Variants in TNR observed in about 807,000 individuals in gnomAD.
The protein encoded by TNR is tenascin R.
In TNR, 45 loss-of-function variants were observed where a neutral mutation model predicts 150.4. The ratio of observed to expected loss-of-function variants is 0.30; its 90% CI spans 0.24 to 0.38. The LOEUF (loss-of-function observed/expected upper bound fraction) is 0.38. Among genes scored for constraint, TNR ranks in the 10% least tolerant of loss-of-function variants. TNR has a pLI of 1.00. For missense variants in TNR, 1,544 were observed against 1,759.1 expected (o/e 0.88, Z 2.19); for synonymous variants, 687 against 678.4 (o/e 1.01, Z -0.20).
At chr1:175,362,132 C>T (rs185937636) in intron 14 of TNR, among the ~76,000 whole-genome samples, 203 of 152,294 alleles carry the variant, frequency 1.3e-3, no homozygotes, top group African/African-American at 4.5e-3. Flanking sequence ...AGGATGCACA[C>T]GGAGCCACAT....
intron 1 of TNR, among the ~76,000 whole-genome samples, chr1:175,741,336 C>T (rs1667925621): frequency 6.6e-6 from 1 of 151,984 alleles, no homozygotes. Context: ...ACTTTTTTTT[C>T]AGAGAAAATT....
At chr1:175,487,946 G>C (rs1415371787) in intron 2 of TNR, among the ~76,000 whole-genome samples, 1 of 152,216 alleles carries the variant, frequency 6.6e-6, no homozygotes, top group Non-Finnish European at 1.5e-5. Flanking sequence ...GTGTGTGCAG[G>C]AGAGTGTGTG....
intron 2 of TNR, among the ~76,000 whole-genome samples, chr1:175,490,034 C>T (rs1333472322): frequency 6.6e-6 from 1 of 152,080 alleles, no homozygotes; most frequent in African/African-American, 2.4e-5. Context: ...ACACGCAGAC[C>T]AATGGAACAA....
intron 2 of TNR, among the ~76,000 whole-genome samples, chr1:175,512,292 A>G (rs115357841): frequency 5.7e-4 from 87 of 152,358 alleles, no homozygotes; most frequent in African/African-American, 2.0e-3. Flanking sequence ...CACTAAAACT[A>G]GTATTTCAAT....
At chr1:175,596,841 G>A (rs1481270944) in intron 1 of TNR, among the ~76,000 whole-genome samples, 2 of 152,144 alleles carry the variant, frequency 1.3e-5, no homozygotes, top group Non-Finnish European at 2.9e-5. Context: ...TTTGTAAGCA[G>A]ACAAAGTGTG....
intron 2 of TNR, among the ~76,000 whole-genome samples, chr1:175,412,734 G>T (rs1314401319): frequency 6.6e-6 from 1 of 152,092 alleles, no homozygotes; most frequent in Non-Finnish European, 1.5e-5. Flanking sequence ...CTCCTGTGCT[G>T]CTTTTCTAGG....
intron 18 of TNR, among the ~76,000 whole-genome samples, chr1:175,347,176 C>T (rs1156886840): frequency 6.6e-6 from 1 of 152,012 alleles, no homozygotes; most frequent in East Asian, 1.9e-4. Context: ...TAATATAACT[C>T]ACCTCATTAG....
rs60670165 is a variant in TNR at position 175,405,618 on chromosome 1, AGTGTGTGTGT to A, written c.499+588_499+597del. On this transcript the variant is annotated intron_variant, in intron 3 of 22. Transcript: ENST00000367674. ...GAGAGAGAGAGTATGTGTGTGTGAG[AGTGTGTGTGT>A]GTGTGTGTGTGTGTGTGTGTGCATA... is the stretch of plus-strand genomic sequence containing the variant. Among the ~76,000 whole-genome samples the A allele has an allele frequency of 8.9e-3, 1,333 of 150,170 alleles. 15 individuals are homozygous for A. Among genetic ancestry groups the A allele is most frequent in the Non-Finnish European group, 0.013 (877 of 67,444 alleles).
intron 1 of TNR, among the ~76,000 whole-genome samples, chr1:175,723,137 G>C (rs200415607): frequency 7.3e-6 from 1 of 136,522 alleles, no homozygotes; most frequent in Admixed American, 7.1e-5. Flanking sequence ...TACATGATTG[G>C]ATAGATAAAC....
rs577979614 is a variant in TNR, at chr1:175,553,573, A to C, written c.-164-25204T>G. Among the ~76,000 whole-genome samples the C allele has an allele frequency of 5.3e-5, 8 of 152,118 alleles. No homozygotes were observed. In the South Asian group the frequency reaches 1.7e-3, roughly 32 times the overall value. Reference sequence around the variant, plus strand: ...TCTTTGATTCTGAGAAATCCCTAACACTTCTTCCCTTGTTTCTAATTAGCA... The same window carrying C: ...TCTTTGATTCTGAGAAATCCCTAACCCTTCTTCCCTTGTTTCTAATTAGCA... On this transcript the variant is annotated intron_variant, in intron 1 of 22. Transcript: ENST00000367674.
Position 175,367,271 on chromosome 1 carries a change from C to A in TNR, c.1990G>T (p.Val664Phe). ...GAGTTCATGACGGCAGATATTCCAA[C>A]TCCATACTCAGTGCCAGGTACCAGA... is the stretch of plus-strand genomic sequence containing the variant. Reference protein sequence around the residue: ...TDLVPGTEYGVGISAVMNSQQ... With the variant: ...TDLVPGTEYGFGISAVMNSQQ... Residue 664 changes from valine (V) to phenylalanine (F), a missense_variant, in exon 10 of 23, where the codon GTT becomes TTT. Val to Phe is a conservative substitution (Grantham distance 50). Coordinates refer to ENST00000367674, the MANE Select transcript of TNR (RefSeq NM_003285.3). The A allele has an allele frequency of 1.2e-6, 2 of 1,614,188 alleles. No homozygotes were observed. The highest frequency in any genetic ancestry group is 1.7e-6 in the Non-Finnish European group (2 of 1,180,004).
chr1:175,737,979 A>G (rs577842587), intron 1 of TNR, among the ~76,000 whole-genome samples: 292 of 152,298 alleles, frequency 1.9e-3, no homozygotes, highest in Admixed American at 4.8e-3. Context: ...TCTCTGGCAT[A>G]AGATTGGGGC....
At chr1:175,649,305 T>C (rs1396829337) in intron 1 of TNR, among the ~76,000 whole-genome samples, 1 of 152,240 alleles carries the variant, frequency 6.6e-6, no homozygotes, top group African/African-American at 2.4e-5. Context: ...AGCTTGGTTT[T>C]ACCTCCTCAG....
At chr1:175,326,647 T>C (rs1225042336) in intron 21 of TNR, among the ~76,000 whole-genome samples, 1 of 152,176 alleles carries the variant, frequency 6.6e-6, no homozygotes, top group Non-Finnish European at 1.5e-5. Flanking sequence ...ACATATTGCT[T>C]ACTTTTTCCT....
At chr1:175,356,499 G>A (rs1208782911) in intron 15 of TNR, 37 bp from the exon 16 acceptor site, 1 of 1,611,062 alleles carries the variant, frequency 6.2e-7, no homozygotes, top group Admixed American at 1.7e-5. Context: ...GTTGAATAAG[G>A]CTACTCAGTT....
rs1370850703 is a variant in TNR at position 175,719,797 on chromosome 1, C to T, written c.-165+23429G>A. On this transcript the variant is annotated intron_variant, in intron 1 of 22. Transcript: ENST00000367674. ...CCTACCTGCTGTCCCTTCCCTACCC[C>T]ACTTCTAATACCCTCCCCATTCTTC... 2.6e-5 allele frequency among the ~76,000 whole-genome samples: 4 copies of T among 152,176 alleles called. No individual in the cohort carries two copies. The East Asian group carries it at 7.7e-4, about 29-fold the overall frequency.
At chr1:175,569,469 G>T (rs557720108) in intron 1 of TNR, among the ~76,000 whole-genome samples, 24 of 152,294 alleles carry the variant, frequency 1.6e-4, no homozygotes, top group African/African-American at 5.5e-4. Flanking sequence ...CTGGATCTCT[G>T]CTTTCAAGCA....
chr1:175,396,521 C>T, intron 5 of TNR, 23 bp downstream of exon 5: 1 of 1,600,792 alleles, frequency 6.2e-7, no homozygotes, highest in Non-Finnish European at 8.5e-7. Flanking sequence ...AAAAATGAAG[C>T]AGGACGGGGA....
chr1:175,493,045 A>G lies in TNR; in HGVS notation c.-64+35224T>C, dbSNP rs561275161. ...AAAGGAGGGAGAGTGGACTTGGCGC[A>G]TTTCTCCTGTGACACATTATTCTCT... On this transcript the variant is annotated intron_variant, in intron 2 of 22. Transcript: ENST00000367674. Among the ~76,000 whole-genome samples the G allele has an allele frequency of 3.8e-4, 57 of 151,984 alleles. 1 individual carries two copies. Among genetic ancestry groups the G allele is most frequent in the African/African-American group, 1.3e-3 (55 of 41,444 alleles).
Sources: gnomAD v4.1 joint callset for allele counts (sites outside exome capture counted in the v4.1 genomes callset) on GRCh38, gnomAD v4.1.1 for gene constraint, MANE v1.5 for transcripts, NCBI Gene and HGNC (gene_info 2026-07-23, HGNC 2026-07-21) for gene names.